Variants in APBA1 observed in about 807,000 individuals in gnomAD.
APBA1 encodes amyloid beta precursor protein binding family A member 1.
Under a neutral mutation model 86.6 loss-of-function variants are expected in APBA1, and 55 were observed. The ratio of observed to expected loss-of-function variants is 0.64; its 90% CI spans 0.51 to 0.80. The LOEUF (loss-of-function observed/expected upper bound fraction) is 0.80. APBA1 is among the 30% of genes least tolerant of loss of function. The pLI, the probability that APBA1 is intolerant of heterozygous loss-of-function variation, is 0.00. For missense variants in APBA1, 1,090 were observed against 1,183.0 expected (o/e 0.92, Z 1.15); for synonymous variants, 511 against 493.9 (o/e 1.03, Z -0.46).
intron 1 of APBA1, among the ~76,000 whole-genome samples, chr9:69,588,305 A>G (rs1040940430): frequency 1.3e-5 from 2 of 152,162 alleles, no homozygotes; most frequent in Non-Finnish European, 2.9e-5. Context: ...CAGTGGGAGA[A>G]TTAAAGAGCT....
At chr9:69,506,267 G>A (rs1183084478) in intron 2 of APBA1, among the ~76,000 whole-genome samples, 5 of 151,322 alleles carry the variant, frequency 3.3e-5, no homozygotes, top group Non-Finnish European at 7.4e-5. Context: ...AAGTGCAAGG[G>A]GTCAGGGAGT....
chr9:69,557,422 A>G (rs1564076484), intron 1 of APBA1, among the ~76,000 whole-genome samples: 1 of 152,248 alleles, frequency 6.6e-6, no homozygotes, highest in Non-Finnish European at 1.5e-5. Flanking sequence ...CTGGCAATGA[A>G]GAACAATGAA....
chr9:69,597,198 G>A (rs964519138), intron 1 of APBA1, among the ~76,000 whole-genome samples: 2 of 152,144 alleles, frequency 1.3e-5, no homozygotes, highest in Admixed American at 6.5e-5. Context: ...ACTTTTTAAT[G>A]ATTGCCATTC....
chr9:69,654,509 A>G (rs1029491664), intron 1 of APBA1, among the ~76,000 whole-genome samples: 1 of 152,132 alleles, frequency 6.6e-6, no homozygotes, highest in Non-Finnish European at 1.5e-5. Context: ...AAAAGAAAAG[A>G]ATAGAAAACC....
upstream of APBA1, chr9:69,672,961 C>G (rs895474056): frequency 2.6e-5 from 4 of 152,310 alleles, no homozygotes; most frequent in African/African-American, 9.6e-5. Context: ...GCTTCCCAGG[C>G]CCCTTAGATA....
chr9:69,641,980 G>A (rs1408098928), intron 1 of APBA1, among the ~76,000 whole-genome samples: 2 of 152,122 alleles, frequency 1.3e-5, no homozygotes, highest in African/African-American at 2.4e-5. Flanking sequence ...CAAGTAGTTG[G>A]GACTACAGGC....
intron 1 of APBA1, among the ~76,000 whole-genome samples, chr9:69,669,965 C>CA (rs1257715298): frequency 6.6e-6 from 1 of 152,000 alleles, no homozygotes; most frequent in Non-Finnish European, 1.5e-5. Flanking sequence ...AGGATGATGA[C>CA]TTTTTTTTAA....
intron 1 of APBA1, among the ~76,000 whole-genome samples, chr9:69,565,913 C>A (rs1230577070): frequency 3.9e-5 from 6 of 152,322 alleles, no homozygotes; most frequent in African/African-American, 9.6e-5. Context: ...GCTTTGATGG[C>A]GTCTACGGCT....
chr9:69,457,469 G>C (rs978417084), intron 6 of APBA1, among the ~76,000 whole-genome samples: 9 of 152,216 alleles, frequency 5.9e-5, no homozygotes, highest in Non-Finnish European at 1.0e-4. Flanking sequence ...ACAGATTGAA[G>C]AAATAGGCCA....
At chr9:69,500,827 G>A (rs894402490) in intron 2 of APBA1, among the ~76,000 whole-genome samples, 4 of 152,110 alleles carry the variant, frequency 2.6e-5, no homozygotes, top group Non-Finnish European at 1.5e-5. Flanking sequence ...GACCTGGATA[G>A]AGGCGAGATC....
At chr9:69,552,316 A>G (rs1310835337) in intron 1 of APBA1, among the ~76,000 whole-genome samples, 1 of 152,234 alleles carries the variant, frequency 6.6e-6, no homozygotes, top group Non-Finnish European at 1.5e-5. Context: ...TTTTCTGTTC[A>G]AGTATTAGAA....
chr9:69,615,968 G>A (rs1182787529), intron 1 of APBA1, among the ~76,000 whole-genome samples: 2 of 152,190 alleles, frequency 1.3e-5, no homozygotes, highest in Non-Finnish European at 2.9e-5. Flanking sequence ...GCTGTGGGCA[G>A]CTTTTCCCTA....
intron 2 of APBA1, among the ~76,000 whole-genome samples, chr9:69,492,536 C>T (rs1835730861): frequency 6.6e-6 from 1 of 152,012 alleles, no homozygotes; most frequent in Admixed American, 6.5e-5. Flanking sequence ...TCATAAGCTC[C>T]AACACTCTTA....
chr9:69,664,668 T>C (rs1823811811), intron 1 of APBA1, among the ~76,000 whole-genome samples: 1 of 152,240 alleles, frequency 6.6e-6, no homozygotes, highest in Non-Finnish European at 1.5e-5. Context: ...AAGTAGATAC[T>C]TCACTCTTTG....
At chr9:69,434,357 C>T (rs1182992096) in intron 11 of APBA1, among the ~76,000 whole-genome samples, 1 of 152,096 alleles carries the variant, frequency 6.6e-6, no homozygotes, top group African/African-American at 2.4e-5. Context: ...GGAGCTGAGC[C>T]TCCTTCATCC....
At chr9:69,501,981 C>T (rs1004421640) in intron 2 of APBA1, among the ~76,000 whole-genome samples, 3 of 152,104 alleles carry the variant, frequency 2.0e-5, no homozygotes, top group African/African-American at 7.2e-5. Context: ...TTCTCTCTAG[C>T]TAAATCGTCC....
intron 1 of APBA1, among the ~76,000 whole-genome samples, chr9:69,587,953 G>A (rs554133342): frequency 1.3e-5 from 2 of 150,744 alleles, no homozygotes; most frequent in Non-Finnish European, 2.9e-5. Flanking sequence ...TTGAACCCGG[G>A]AGGTGGAGGT....
chr9:69,653,325 C>G (rs775701471), intron 1 of APBA1, among the ~76,000 whole-genome samples: 1 of 152,072 alleles, frequency 6.6e-6, no homozygotes, highest in African/African-American at 2.4e-5. Flanking sequence ...TATTCATAGA[C>G]CTAAAGGGAG....
intron 1 of APBA1, among the ~76,000 whole-genome samples, chr9:69,612,344 T>C (rs912842127): frequency 2.0e-5 from 3 of 152,044 alleles, no homozygotes; most frequent in Non-Finnish European, 4.4e-5. Flanking sequence ...GGGATAAACA[T>C]TTAAAAATGA....
Sources: allele counts gnomAD v4.1 joint callset (sites outside exome capture counted in the v4.1 genomes callset), GRCh38; gene constraint gnomAD v4.1.1; transcripts MANE v1.5; gene names NCBI Gene and HGNC (gene_info 2026-07-23, HGNC 2026-07-21).